The following SLC2A13 variants were observed in gnomAD, a reference collection of about 807,000 sequenced individuals.
The protein encoded by SLC2A13 is proton myo-inositol cotransporter.
SLC2A13 carries 32 observed loss-of-function variants against 64.4 expected under a neutral mutation model. The ratio of observed to expected loss-of-function variants is 0.50; its 90% CI spans 0.37 to 0.67. The LOEUF is 0.67. SLC2A13 is among the 30% of genes least tolerant of loss of function. The pLI is 0.00. For synonymous variants in SLC2A13, 338 were observed against 327.1 expected (o/e 1.03, Z -0.36); for missense variants, 743 against 829.2 (o/e 0.90, Z 1.28).
At chr12:39,980,611 C>T (rs1946872883) in intron 3 of SLC2A13, among the ~76,000 whole-genome samples, 1 of 150,790 alleles carries the variant, frequency 6.6e-6, no homozygotes, top group Admixed American at 6.6e-5. Context: ...ATCAATTCAA[C>T]AAGAGGAGCT....
chr12:39,789,366 G>T (rs1047823607), intron 7 of SLC2A13, among the ~76,000 whole-genome samples: 1 of 152,030 alleles, frequency 6.6e-6, no homozygotes, highest in Non-Finnish European at 1.5e-5. Flanking sequence ...ATTCATTCAG[G>T]TAGATGCCTT....
At chr12:40,076,074 C>T (rs1346990855) in intron 1 of SLC2A13, among the ~76,000 whole-genome samples, 1 of 152,154 alleles carries the variant, frequency 6.6e-6, no homozygotes, top group Non-Finnish European at 1.5e-5. Flanking sequence ...GTTATCTTTT[C>T]CCTTAGCAAC....
At chr12:39,996,558 C>A (rs1464195298) in intron 3 of SLC2A13, among the ~76,000 whole-genome samples, 1 of 152,204 alleles carries the variant, frequency 6.6e-6, no homozygotes, top group Non-Finnish European at 1.5e-5. Flanking sequence ...GGCCAACAGG[C>A]CTAGAAGGAA....
At chr12:40,041,626 CTAG>C (rs1180135981) in intron 2 of SLC2A13, among the ~76,000 whole-genome samples, 1 of 152,194 alleles carries the variant, frequency 6.6e-6, no homozygotes, top group Admixed American at 6.5e-5. Context: ...AAATACAAGA[CTAG>C]TATGCAGAAA....
intron 1 of SLC2A13, among the ~76,000 whole-genome samples, chr12:40,098,355 T>A (rs552945773): frequency 6.6e-6 from 1 of 152,316 alleles, no homozygotes; most frequent in East Asian, 1.9e-4. Context: ...GCTGGGGAAT[T>A]TGTGTTTAAT....
At chr12:40,099,812 G>A (rs563858418) in intron 1 of SLC2A13, among the ~76,000 whole-genome samples, 185 of 152,084 alleles carry the variant, frequency 1.2e-3, no homozygotes, top group African/African-American at 2.7e-3. Context: ...GGCTTTATGT[G>A]TCAGTTTCAC....
chr12:40,075,852 TTCAC>T (rs1405473650), intron 1 of SLC2A13, among the ~76,000 whole-genome samples: 1 of 152,192 alleles, frequency 6.6e-6, no homozygotes, highest in Non-Finnish European at 1.5e-5. Flanking sequence ...CTGTCTTAAG[TTCAC>T]TCACTTTTTT....
chr12:39,790,461 T>A (rs1248031218), intron 7 of SLC2A13, among the ~76,000 whole-genome samples: 4 of 149,234 alleles, frequency 2.7e-5, no homozygotes, highest in Non-Finnish European at 5.9e-5. Context: ...TGAGTGAGAA[T>A]ATGCGGTGTT....
At chr12:40,070,939 A>C (rs963915794) in intron 1 of SLC2A13, among the ~76,000 whole-genome samples, 1 of 152,132 alleles carries the variant, frequency 6.6e-6, no homozygotes, top group African/African-American at 2.4e-5. Context: ...GCCCATATTT[A>C]TATAAAGGAA....
intron 4 of SLC2A13, among the ~76,000 whole-genome samples, chr12:39,924,898 TAA>T (rs967927551): frequency 4.6e-5 from 7 of 152,086 alleles, no homozygotes; most frequent in African/African-American, 1.7e-4. Flanking sequence ...TAATACATTG[TAA>T]AAAATCTGCC....
intron 3 of SLC2A13, among the ~76,000 whole-genome samples, chr12:40,011,699 T>C (rs1947535301): frequency 6.6e-6 from 1 of 152,160 alleles, no homozygotes; most frequent in African/African-American, 2.4e-5. Context: ...TTCCCATCTT[T>C]ATGTCCATGT....
At chr12:39,982,485 G>A (rs1318427975) in intron 3 of SLC2A13, among the ~76,000 whole-genome samples, 2 of 151,462 alleles carry the variant, frequency 1.3e-5, no homozygotes, top group Non-Finnish European at 2.9e-5. Context: ...AAAGTCTCAG[G>A]ATACAAAATC....
rs755963967 is a variant in SLC2A13 at position 39,759,993 on chromosome 12, G to T, written c.*33C>A. The T allele has an allele frequency of 1.9e-6, 3 of 1,553,780 alleles. No individual in the cohort carries two copies. Among genetic ancestry groups the T allele is most frequent in the Admixed American group, 1.7e-5 (1 of 59,474 alleles). On this transcript the variant is annotated 3_prime_UTR_variant, in exon 10 of 10. Transcript: ENST00000280871. ...ATTGCTGTTCTTCTCCCCCCAGTTT[G>T]TTTAAATAACTAAATATATGAGCAG... is the stretch of plus-strand genomic sequence containing the variant.
intron 3 of SLC2A13, among the ~76,000 whole-genome samples, chr12:39,988,145 A>G (rs1947062334): frequency 6.6e-6 from 1 of 152,156 alleles, no homozygotes; most frequent in Admixed American, 6.6e-5. Context: ...TTTTAAATAG[A>G]TTCCCAGATG....
rs73274689 is a variant in SLC2A13 at position 39,865,652 on chromosome 12, T to C, written c.1199-770A>G. Among the ~76,000 whole-genome samples the C allele has an allele frequency of 7.5e-3, 1,140 of 152,228 alleles. 10 individuals carry two copies. The highest frequency in any genetic ancestry group is 0.026 in the African/African-American group (1,079 of 41,530). On this transcript the variant is annotated intron_variant, in intron 5 of 9. Coordinates refer to ENST00000280871, the MANE Select transcript of SLC2A13 (RefSeq NM_052885.4). ...TTGTGAGGGTAAACGAAAAGGGTCA[T>C]GGGAAGAATGGAGAAAGAAAATATG... is the stretch of plus-strand genomic sequence containing the variant.
At position 39,757,308 on chromosome 12, in the gene SLC2A13, T is replaced by C. The variant is rs2135702165; in HGVS notation, c.*2718A>G. The C allele has an allele frequency of 6.6e-6, 1 of 151,978 alleles. No homozygotes were observed. Among genetic ancestry groups the C allele is most frequent in the East Asian group, 1.9e-4 (1 of 5,292 alleles). 9.4% of individuals were successfully genotyped at this position (151,978 alleles called of 1,614,324 possible). A position where few individuals can be genotyped will look rare whatever the true frequency, so the allele number is the denominator to read the frequency against. Reference sequence around the variant, plus strand: ...GATACGTAATCTGTGTCTGCTTTAATATGGTAGGTCAAATCACATCATATA... The same window carrying C: ...GATACGTAATCTGTGTCTGCTTTAACATGGTAGGTCAAATCACATCATATA... On this transcript the variant is annotated 3_prime_UTR_variant, in exon 10 of 10. Coordinates refer to ENST00000280871, the MANE Select transcript of SLC2A13 (RefSeq NM_052885.4).
At chr12:40,008,137 C>CT (rs1339577253) in intron 3 of SLC2A13, among the ~76,000 whole-genome samples, 1 of 151,996 alleles carries the variant, frequency 6.6e-6, no homozygotes, top group African/African-American at 2.4e-5. Context: ...AAATTTTAGA[C>CT]TAAATATAGT....
chr12:40,102,610 C>T (rs17458494), intron 1 of SLC2A13, among the ~76,000 whole-genome samples: 1 of 152,108 alleles, frequency 6.6e-6, no homozygotes, highest in African/African-American at 2.4e-5. Flanking sequence ...AAAAAGGTAT[C>T]AAAAGCCACA....
chr12:39,937,518 C>A (rs977501137), intron 4 of SLC2A13, among the ~76,000 whole-genome samples: 1 of 152,144 alleles, frequency 6.6e-6, no homozygotes, highest in Non-Finnish European at 1.5e-5. Flanking sequence ...GGACTTCATG[C>A]TATTTCAACT....
Sources: allele counts gnomAD v4.1 joint callset (sites outside exome capture counted in the v4.1 genomes callset), GRCh38; gene constraint gnomAD v4.1.1; transcripts MANE v1.5; gene names NCBI Gene and HGNC (gene_info 2026-07-23, HGNC 2026-07-21).